The following FOXN3 variants were observed in gnomAD, a reference collection of about 807,000 sequenced individuals.
FOXN3 encodes the protein forkhead box protein N3.
Under a neutral mutation model 38.4 loss-of-function variants are expected in FOXN3, and 7 were observed. That is an observed-to-expected ratio of 0.18 (90% CI 0.10 to 0.34). FOXN3 has a LOEUF of 0.34. Among genes scored for constraint, FOXN3 ranks in the 10% least tolerant of loss-of-function variants. FOXN3 has a pLI of 1.00. For missense variants in FOXN3, 456 were observed against 613.4 expected (o/e 0.74, Z 2.71); for synonymous variants, 230 against 242.2 (o/e 0.95, Z 0.47).
Position 89,510,772 on chromosome 14 carries a change from G to A in FOXN3, c.-14-98282C>T, listed in dbSNP as rs142560443. Among the ~76,000 whole-genome samples, 612 of 152,124 alleles carry A rather than the reference G, an allele frequency of 4.0e-3. 1 individual carries two copies. The highest frequency in any genetic ancestry group is 5.0e-3 in the Non-Finnish European group (338 of 67,964). ...CCCTGGCCAACATGGTGAAACACCG[G>A]CCCTACTAAAAATACAAAAATTAGC... is the stretch of plus-strand genomic sequence containing the variant. On this transcript the variant is annotated intron_variant, in intron 1 of 6. Coordinates refer to the FOXN3 transcript ENST00000345097.
chr14:89,249,650 G>C lies in FOXN3; in HGVS notation c.745+31300C>G, dbSNP rs373820893. Among the ~76,000 whole-genome samples the C allele has an allele frequency of 4.3e-4, 66 of 152,318 alleles. 1 individual carries two copies. The highest frequency in any genetic ancestry group is 1.5e-3 in the African/African-American group (63 of 41,560). On this transcript the variant is annotated intron_variant, in intron 4 of 5. Transcript: ENST00000557258. Reference sequence around the variant, plus strand: ...ACCTATGATACGCCAGGGACTCTTGGCTGTAGAGGAAGGTCTCATAGTCCC... The same window carrying C: ...ACCTATGATACGCCAGGGACTCTTGCCTGTAGAGGAAGGTCTCATAGTCCC...
intron 2 of FOXN3, among the ~76,000 whole-genome samples, chr14:89,355,588 A>G (rs948555380): frequency 2.0e-5 from 3 of 152,236 alleles, no homozygotes; most frequent in Non-Finnish European, 2.9e-5. Flanking sequence ...TTCATGGGTC[A>G]TGAAATGAAC....
At chr14:89,238,588 T>G (rs1471722851) in intron 4 of FOXN3, among the ~76,000 whole-genome samples, 1 of 152,216 alleles carries the variant, frequency 6.6e-6, no homozygotes, top group Non-Finnish European at 1.5e-5. Flanking sequence ...AAGGGGTCAC[T>G]TGGGAAGTCC....
chr14:89,396,387 C>T (rs1052216761), intron 2 of FOXN3, among the ~76,000 whole-genome samples: 2 of 152,218 alleles, frequency 1.3e-5, no homozygotes, highest in Non-Finnish European at 2.9e-5. Context: ...CGGCACAGAT[C>T]TGTGGGTTTT....
chr14:89,546,694 C>A (rs1282919073), intron 1 of FOXN3, among the ~76,000 whole-genome samples: 1 of 152,010 alleles, frequency 6.6e-6, no homozygotes. Flanking sequence ...CCTGTATAAC[C>A]TTTGCCCTTT....
intron 4 of FOXN3, among the ~76,000 whole-genome samples, chr14:89,218,210 A>G (rs1884347363): frequency 6.6e-6 from 1 of 152,204 alleles, no homozygotes; most frequent in Admixed American, 6.5e-5. Flanking sequence ...GGGGATTGGG[A>G]TCCAGAAGAC....
intron 4 of FOXN3, among the ~76,000 whole-genome samples, chr14:89,184,332 G>A (rs377220624): frequency 2.6e-5 from 4 of 152,200 alleles, no homozygotes; most frequent in East Asian, 1.9e-4. Flanking sequence ...GTTAGGGAGC[G>A]CAAGTTCTTC....
At chr14:89,298,205 G>A (rs773248476) in intron 3 of FOXN3, among the ~76,000 whole-genome samples, 4 of 152,140 alleles carry the variant, frequency 2.6e-5, no homozygotes, top group Non-Finnish European at 5.9e-5. Context: ...AACACTGTAT[G>A]ACTCCACTTT....
At chr14:89,474,935 C>A (rs1250981220) in intron 1 of FOXN3, among the ~76,000 whole-genome samples, 1 of 152,166 alleles carries the variant, frequency 6.6e-6, no homozygotes, top group African/African-American at 2.4e-5. Context: ...CCTGCCTCAG[C>A]CTCCCGAGTA....
At chr14:89,400,619 T>G (rs532452755) in intron 2 of FOXN3, among the ~76,000 whole-genome samples, 1 of 151,958 alleles carries the variant, frequency 6.6e-6, no homozygotes, top group African/African-American at 2.4e-5. Flanking sequence ...CCCAGAGAGG[T>G]AGATCCCCTT....
At chr14:89,496,122 C>T (rs1330114324) in intron 1 of FOXN3, among the ~76,000 whole-genome samples, 3 of 151,922 alleles carry the variant, frequency 2.0e-5, no homozygotes, top group South Asian at 2.1e-4. Flanking sequence ...CTGAGGCAGG[C>T]GAATCTCTTG....
chr14:89,330,850 T>C (rs1888227364), intron 3 of FOXN3, among the ~76,000 whole-genome samples: 1 of 152,210 alleles, frequency 6.6e-6, no homozygotes, highest in South Asian at 2.1e-4. Context: ...CCACAGTCGG[T>C]TCCATGGATT....
upstream of FOXN3, chr14:89,417,393 T>C (rs58572475): frequency 0.45 from 66,364 of 146,560 alleles, 16,274 homozygotes; most frequent in East Asian, 0.7. Flanking sequence ...CCCGCGCCCC[T>C]CGCGCGCCCC....
At chr14:89,587,710 T>C (rs1004900784) in intron 1 of FOXN3, among the ~76,000 whole-genome samples, 35 of 151,854 alleles carry the variant, frequency 2.3e-4, no homozygotes, top group African/African-American at 7.7e-4. Context: ...TCTACTAAAA[T>C]ACAAAAATTA....
intron 4 of FOXN3, among the ~76,000 whole-genome samples, chr14:89,237,703 T>C (rs914618415): frequency 3.9e-4 from 60 of 152,196 alleles, no homozygotes; most frequent in African/African-American, 1.4e-3. Context: ...CCCCTCCCCC[T>C]AATTTTTCTT....
intron 4 of FOXN3, among the ~76,000 whole-genome samples, chr14:89,237,674 G>A (rs576268114): frequency 3.9e-5 from 6 of 152,170 alleles, no homozygotes; most frequent in South Asian, 2.1e-4. Flanking sequence ...AGGCTTAACC[G>A]GAAAACAAAA....
intron 1 of FOXN3, among the ~76,000 whole-genome samples, chr14:89,559,479 C>A (rs1895202180): frequency 6.6e-6 from 1 of 151,974 alleles, no homozygotes. Flanking sequence ...AGATGGAGAC[C>A]ATCCTGCCCA....
intron 4 of FOXN3, among the ~76,000 whole-genome samples, chr14:89,270,212 G>A (rs10136998): frequency 0.094 from 14,268 of 152,180 alleles, 770 homozygotes; most frequent in African/African-American, 0.15. Flanking sequence ...GCCATCCTGT[G>A]GGTATTTGCC....
At chr14:89,596,661 A>C (rs1406102290) in intron 1 of FOXN3, among the ~76,000 whole-genome samples, 1 of 152,134 alleles carries the variant, frequency 6.6e-6, no homozygotes, top group Non-Finnish European at 1.5e-5. Flanking sequence ...CTGGATCTGA[A>C]GTTTTCCTTA....
Sources: gnomAD v4.1 joint callset for allele counts (sites outside exome capture counted in the v4.1 genomes callset) on GRCh38, gnomAD v4.1.1 for gene constraint, MANE v1.5 for transcripts, NCBI Gene and HGNC (gene_info 2026-07-23, HGNC 2026-07-21) for gene names.